The following PECR variants were observed in gnomAD, a reference collection of about 807,000 sequenced individuals.
PECR encodes the protein peroxisomal trans-2-enoyl-CoA reductase, also known as 2,4-dienoyl-CoA reductase-related protein.
In PECR, 30 loss-of-function variants were observed where a neutral mutation model predicts 35.3. The observed-to-expected ratio is 0.85, with a 90% CI of 0.64 to 1.15. The LOEUF is 1.15. Ranked by LOEUF, PECR falls within the 50% of genes most tolerant of loss-of-function variation. The pLI is 0.00. For missense variants in PECR, 392 were observed against 370.8 expected, an observed-to-expected ratio of 1.06 and a Z score of -0.47; for synonymous variants, 148 against 138.9, an observed-to-expected ratio of 1.07 and a Z score of -0.46.
At chr2:216,081,509 C>G (rs1695849145) in intron 1 of PECR, 109 bp downstream of exon 1, 1 of 1,395,148 alleles carries the variant, frequency 7.2e-7, no homozygotes, top group South Asian at 1.2e-5. Flanking sequence ...CCCGTCTTTG[C>G]TCTGCAGCTC....
chr2:216,031,420 GAAAGAAAGA>G (rs1233420193), intron 7 of PECR, among the ~76,000 whole-genome samples: 6 of 50,712 alleles, frequency 1.2e-4, no homozygotes, highest in East Asian at 7.1e-4. Flanking sequence ...AAGAAAGGAA[GAAAGAAAGA>G]AAAGAAAGAA....
chr2:216,064,645 A>T (rs1480988625), intron 3 of PECR, among the ~76,000 whole-genome samples: 3 of 152,216 alleles, frequency 2.0e-5, no homozygotes, highest in African/African-American at 7.2e-5. Flanking sequence ...GGAACAACCC[A>T]ACTTGTATCA....
At position 216,049,315 on chromosome 2, in the gene PECR, A is replaced by G; in HGVS notation, c.662T>C (p.Phe221Ser). The change falls in exon 6 of 8, where the codon TTT becomes TCT. Residue 221 changes from phenylalanine to serine, a missense_variant. By Grantham distance (155) the Phe-to-Ser change is radical. Transcript: ENST00000265322. The stretch of plus-strand genomic sequence containing the variant: ...GGGGATTTTCTGAAAAGACCCTTCA[A>G]AGAAGCTTTGTCCCCAGGAACCATA... ...ENYGSWGQSF[F>S]EGSFQKIPAK... 6.2e-7 allele frequency: 1 copy of G among 1,606,086 alleles called. No individual in the cohort carries two copies. The highest frequency in any genetic ancestry group is 8.5e-7 in the Non-Finnish European group (1 of 1,172,578).
In PECR at chr2:216,030,173, A is replaced by G. The variant is rs151147952; in HGVS notation, c.*440+9018T>C. Among the ~76,000 whole-genome samples, 5 of 152,362 alleles carry G rather than the reference A, an allele frequency of 3.3e-5. No individual in the cohort carries two copies. The East Asian group carries it at 9.6e-4, about 29-fold the overall frequency. On this transcript the variant is annotated intron_variant and NMD_transcript_variant, in intron 7 of 7. Transcript: ENST00000442122. ...CAGATAGACAAATTTGTAAAAATAT[A>G]GATTATTGGGGGTGATGGGTACTAT...
chr2:216,062,579 C>T (rs1695377567), intron 3 of PECR, among the ~76,000 whole-genome samples: 1 of 152,132 alleles, frequency 6.6e-6, no homozygotes, highest in African/African-American at 2.4e-5. Flanking sequence ...CTGAAACAGA[C>T]TGGGTCGGGA....
At chr2:216,046,319 T>TGTTTGTTTG (rs1244307868) in intron 6 of PECR, among the ~76,000 whole-genome samples, 200 of 138,806 alleles carry the variant, frequency 1.4e-3, no homozygotes, top group African/African-American at 5.0e-3. Flanking sequence ...TATTTTTTTT[T>TGTTTGTTTG]TTTTTTTTTT....
At chr2:216,031,800 C>T (rs1202593434) in intron 7 of PECR, among the ~76,000 whole-genome samples, 1 of 152,162 alleles carries the variant, frequency 6.6e-6, no homozygotes, top group Non-Finnish European at 1.5e-5. Flanking sequence ...ACAATCAATC[C>T]CATTGAAACT....
At position 216,061,538 on chromosome 2, in the gene PECR, T is replaced by C. The variant is rs1236036163; in HGVS notation, c.425-2562A>G. On this transcript the variant is annotated intron_variant, in intron 3 of 7. Coordinates refer to ENST00000265322, the MANE Select transcript of PECR (RefSeq NM_018441.6). ...AGTAAAATCACCTTAACAACAGACT[T>C]ACAGGTGTAATGCAGTAAGAAGTAT... 2.6e-5 allele frequency among the ~76,000 whole-genome samples: 4 copies of C among 152,154 alleles called. No homozygotes were observed. The East Asian group carries it at 5.8e-4, about 22-fold the overall frequency.
chr2:216,075,977 G>A (rs1474511777), intron 1 of PECR, among the ~76,000 whole-genome samples: 2 of 152,144 alleles, frequency 1.3e-5, no homozygotes, highest in South Asian at 2.1e-4. Flanking sequence ...TCAACTTGAC[G>A]ATGCTAGGTT....
intron 3 of PECR, among the ~76,000 whole-genome samples, chr2:216,060,540 T>A (rs1695317806): frequency 6.6e-6 from 1 of 152,146 alleles, no homozygotes; most frequent in South Asian, 2.1e-4. Context: ...CATGTGCCTA[T>A]AGTAGCAGCT....
At chr2:216,050,948 T>C (rs533196897) in intron 5 of PECR, 2 of 152,708 alleles carry the variant, frequency 1.3e-5, no homozygotes, top group African/African-American at 2.4e-5. Flanking sequence ...TTTAACATTC[T>C]TGACAATCTG....
intron 3 of PECR, among the ~76,000 whole-genome samples, chr2:216,061,833 T>C (rs1019172151): frequency 7.2e-5 from 11 of 152,178 alleles, no homozygotes; most frequent in Non-Finnish European, 8.8e-5. Flanking sequence ...TGAATTACTG[T>C]GAATTTTCTT....
chr2:216,058,735 T>C (rs1695277720), intron 4 of PECR, among the ~76,000 whole-genome samples, 160 bp downstream of exon 4: 2 of 152,188 alleles, frequency 1.3e-5, no homozygotes, highest in African/African-American at 4.8e-5. Flanking sequence ...TAGAAGTACT[T>C]TGAATTTTAA....
In PECR at chr2:216,065,361, G is replaced by A. The variant is rs141378337; in HGVS notation, c.375C>T (p.His125=). The part of the protein sequence containing the change: ...PAEHISSKGW[H]AVLETNLTGT... ...CCGTCAGGTTGGTCTCAAGCACAGC[G>A]TGCCATCCCTTAGAACTGATGTGTT... is the stretch of plus-strand genomic sequence containing the variant. Residue 125 remains histidine (H), a synonymous_variant, in exon 3 of 8, where the codon CAC becomes CAT. Transcript: ENST00000265322. The A allele has an allele frequency of 6.7e-5, 108 of 1,611,312 alleles. No individual in the cohort carries two copies. The African/African-American group carries it at 7.3e-4, about 11-fold the overall frequency.
chr2:216,032,453 A>G (rs1374892721), intron 7 of PECR, among the ~76,000 whole-genome samples: 2 of 152,236 alleles, frequency 1.3e-5, no homozygotes, highest in African/African-American at 4.8e-5. Flanking sequence ...CCCTCCGTTG[A>G]CCCAGTTGGC....
In PECR at chr2:216,081,638, A is replaced by C; in HGVS notation, c.104T>G (p.Val35Gly). The C allele has an allele frequency of 6.2e-7, 1 of 1,613,570 alleles. No individual in the cohort carries two copies. Among genetic ancestry groups the C allele is most frequent in the South Asian group, 1.1e-5 (1 of 91,074 alleles). Reference sequence around the variant, plus strand: ...CGTACCCAGCTCCAGGAGCTCCTTCACGATGGCTTTTCCGATGCCCGTGGC... The same window carrying C: ...CGTACCCAGCTCCAGGAGCTCCTTCCCGATGGCTTTTCCGATGCCCGTGGC... Reference protein sequence around the residue: ...GGATGIGKAIVKELLELGSNV... With the variant: ...GGATGIGKAIGKELLELGSNV... Residue 35 changes from valine to glycine, a missense_variant, in exon 1 of 8, where the codon GTG (valine) becomes GGG (glycine). Val to Gly is a moderately radical substitution (Grantham distance 109). Transcript: ENST00000265322.
intron 3 of PECR, among the ~76,000 whole-genome samples, chr2:216,061,121 G>A (rs1442316315): frequency 1.9e-5 from 2 of 105,982 alleles, no homozygotes; most frequent in South Asian, 3.1e-4. Flanking sequence ...GGGAGACCCC[G>A]GCTCTACCAA....
At position 216,030,927 on chromosome 2, in the gene PECR, T is replaced by TTC. The variant is rs113417580; in HGVS notation, c.*440+8262_*440+8263dup. On this transcript the variant is annotated intron_variant and NMD_transcript_variant, in intron 7 of 7. Transcript: ENST00000442122. Reference sequence around the variant, plus strand: ...ACACACAAGCCCACTATGAGGCCCATTCTCTCTCTCTCTCTCTCTCTCTCT... The same window carrying TTC: ...ACACACAAGCCCACTATGAGGCCCATTCTCTCTCTCTCTCTCTCTCTCTCTCT... Among the ~76,000 whole-genome samples, 1,231 of 130,824 alleles carry TTC rather than the reference T, an allele frequency of 9.4e-3. 14 individuals carry two copies. Among genetic ancestry groups the TTC allele is most frequent in the Middle Eastern group, 0.016 (4 of 258 alleles). The allele number at this position is 130,824 out of a possible 152,430, so 85.8% of individuals were successfully genotyped here. A position where few individuals can be genotyped will look rare whatever the true frequency, so the allele number is the denominator to read the frequency against.
chr2:216,077,154 T>C (rs1214579077), intron 1 of PECR, among the ~76,000 whole-genome samples: 2 of 151,614 alleles, frequency 1.3e-5, no homozygotes, highest in African/African-American at 4.8e-5. Context: ...CACCTCGGCC[T>C]CCCAAAGTGC....
Sources: gnomAD v4.1 joint callset for allele counts (sites outside exome capture counted in the v4.1 genomes callset) on GRCh38, gnomAD v4.1.1 for gene constraint, MANE v1.5 for transcripts, NCBI Gene and HGNC (gene_info 2026-07-23, HGNC 2026-07-21) for gene names.